Variants in AGBL1 observed in about 807,000 individuals in gnomAD.
The protein encoded by AGBL1 is AGBL carboxypeptidase 1.
Under a neutral mutation model 118.9 loss-of-function variants are expected in AGBL1, and 130 were observed. The ratio of observed to expected loss-of-function variants is 1.09; its 90% CI spans 0.95 to 1.26. The LOEUF (loss-of-function observed/expected upper bound fraction) is 1.26. AGBL1 is among the 50% of genes most tolerant of loss of function. AGBL1 has a pLI of 0.00. For synonymous variants in AGBL1, 555 were observed against 478.9 expected, an observed-to-expected ratio of 1.16 and a Z score of -2.08; for missense variants, 1,584 against 1,298.1, an observed-to-expected ratio of 1.22 and a Z score of -3.38.
At chr15:86,129,861 G>A (rs113031845) in intron 1 of AGBL1, among the ~76,000 whole-genome samples, 115 of 152,298 alleles carry the variant, frequency 7.6e-4, no homozygotes, top group African/African-American at 2.4e-3. Flanking sequence ...GAGAGAGAGC[G>A]TGTGGGGTGG....
intron 22 of AGBL1, among the ~76,000 whole-genome samples, chr15:86,849,358 A>T (rs1054313425): frequency 6.6e-6 from 1 of 152,222 alleles, no homozygotes; most frequent in Admixed American, 6.5e-5. Context: ...CACATTCGGC[A>T]TAGTAAGTAG....
intron 19 of AGBL1, among the ~76,000 whole-genome samples, chr15:86,540,414 C>A (rs958326204): frequency 6.6e-6 from 1 of 152,014 alleles, no homozygotes; most frequent in Admixed American, 6.6e-5. Flanking sequence ...AGCAACATGG[C>A]AAAATGCTGT....
At chr15:86,105,934 TA>T (rs940356046) in intron 1 of AGBL1, among the ~76,000 whole-genome samples, 66 of 152,370 alleles carry the variant, frequency 4.3e-4, no homozygotes, top group African/African-American at 1.6e-3. Context: ...ATTACACTAG[TA>T]TTTCTAGAGT....
At chr15:86,586,494 G>T (rs2084249983) in intron 21 of AGBL1, among the ~76,000 whole-genome samples, 1 of 152,086 alleles carries the variant, frequency 6.6e-6, no homozygotes, top group South Asian at 2.1e-4. Context: ...ACATGTCCAA[G>T]GTCACACAGA....
At chr15:86,920,043 C>G (rs1275841325), downstream of AGBL1, among the ~76,000 whole-genome samples, 1 of 152,214 alleles carries the variant, frequency 6.6e-6, no homozygotes, top group East Asian at 1.9e-4. Flanking sequence ...TATCTATTTA[C>G]TGTCTTAGGG....
intron 24 of AGBL1, among the ~76,000 whole-genome samples, chr15:87,001,684 AGAT>A (rs1159983940): frequency 6.6e-6 from 1 of 152,004 alleles, no homozygotes; most frequent in East Asian, 1.9e-4. Context: ...AACTGGTGGG[AGAT>A]GATATCTCAT....
chr15:86,289,440 G>T (rs183206455), intron 16 of AGBL1, among the ~76,000 whole-genome samples: 2 of 152,086 alleles, frequency 1.3e-5, no homozygotes, highest in African/African-American at 4.8e-5. Context: ...AACATTTATT[G>T]TTTCCTACAT....
intron 18 of AGBL1, among the ~76,000 whole-genome samples, chr15:86,505,548 A>G (rs1389062901): frequency 6.6e-6 from 1 of 151,886 alleles, no homozygotes; most frequent in Non-Finnish European, 1.5e-5. Context: ...TCTGTTGAGG[A>G]TCTGTAGTGA....
intron 1 of AGBL1, among the ~76,000 whole-genome samples, chr15:86,110,539 G>C (rs1325749635): frequency 6.6e-6 from 1 of 152,120 alleles, no homozygotes; most frequent in Admixed American, 6.5e-5. Context: ...GGTTGGTCTT[G>C]CTGTCTCAGG....
At position 86,954,179 on chromosome 15, in the gene AGBL1, A is replaced by ACTT. The variant is rs1214064284; in HGVS notation, c.3222-33807_3222-33805dup. On this transcript the variant is annotated intron_variant, in intron 23 of 24. Transcript: ENST00000441037. ...GGTGAGGCTGCAGAGAAAAGGGAAC[A>ACTT]CTTATAAACTGTTGGTAAGGATGGA... is the stretch of plus-strand genomic sequence containing the variant. 3.3e-5 allele frequency among the ~76,000 whole-genome samples: 5 copies of ACTT among 152,228 alleles called. No homozygotes were observed. In the East Asian group the frequency reaches 9.6e-4, roughly 29 times the overall value.
chr15:87,027,164 C>G (rs1481112836), intron 24 of AGBL1, among the ~76,000 whole-genome samples: 1 of 151,762 alleles, frequency 6.6e-6, no homozygotes, highest in East Asian at 1.9e-4. Context: ...ATACATGTGG[C>G]TAACATATGA....
At chr15:86,339,734 C>G (rs1372479217) in intron 17 of AGBL1, among the ~76,000 whole-genome samples, 1 of 151,986 alleles carries the variant, frequency 6.6e-6, no homozygotes, top group African/African-American at 2.4e-5. Context: ...TTTGGGAGGC[C>G]GAGGTGGGCG....
chr15:86,582,293 T>C (rs2084181889), intron 21 of AGBL1, among the ~76,000 whole-genome samples: 1 of 152,162 alleles, frequency 6.6e-6, no homozygotes, highest in African/African-American at 2.4e-5. Flanking sequence ...CCCTACAACA[T>C]TAATGGTATT....
At chr15:86,329,413 G>C (rs561264202) in intron 17 of AGBL1, among the ~76,000 whole-genome samples, 1 of 152,016 alleles carries the variant, frequency 6.6e-6, no homozygotes, top group African/African-American at 2.4e-5. Context: ...CCCTTCCTGT[G>C]CATAGATTGT....
Position 86,801,674 on chromosome 15 carries a change from A to G in AGBL1, c.3159-105413A>G, listed in dbSNP as rs560929516. Among the ~76,000 whole-genome samples, 78 of 152,266 alleles carry G rather than the reference A, an allele frequency of 5.1e-4. 2 individuals are homozygous for G. The South Asian group carries it at 0.016, about 31-fold the overall frequency. On this transcript the variant is annotated intron_variant, in intron 22 of 22. Coordinates refer to ENST00000614907, the MANE Select transcript of AGBL1 (RefSeq NM_001386094.1). Reference sequence around the variant, plus strand: ...CTTCAACATAGAGATAACTATATCTAGATTCTTTTTAACTTTAACATGGAG... The same window carrying G: ...CTTCAACATAGAGATAACTATATCTGGATTCTTTTTAACTTTAACATGGAG...
chr15:86,756,800 A>G (rs2077947788), intron 22 of AGBL1, among the ~76,000 whole-genome samples: 1 of 152,106 alleles, frequency 6.6e-6, no homozygotes, highest in Non-Finnish European at 1.5e-5. Flanking sequence ...CTTGTCTTAT[A>G]AATAATGGTA....
chr15:86,183,840 C>T (rs2077586139), intron 5 of AGBL1, among the ~76,000 whole-genome samples: 1 of 152,138 alleles, frequency 6.6e-6, no homozygotes, highest in African/African-American at 2.4e-5. Context: ...AATTAAACTA[C>T]AGAACTAAAA....
intron 21 of AGBL1, among the ~76,000 whole-genome samples, chr15:86,667,234 GTATGTATGTATGTATGTATGTATC>G (rs2085661834): frequency 7.2e-5 from 7 of 97,546 alleles, no homozygotes; most frequent in East Asian, 7.0e-4. Flanking sequence ...ATGTATGTAT[GTATGTATGTATGTATGTATGTATC>G]TATCTATCTA....
chr15:86,241,523 T>C (rs1445466366), intron 6 of AGBL1, among the ~76,000 whole-genome samples: 2 of 152,216 alleles, frequency 1.3e-5, no homozygotes, highest in Non-Finnish European at 2.9e-5. Flanking sequence ...AGAATTTTTT[T>C]TTCTCACAGT....
Sources: allele counts gnomAD v4.1 joint callset (sites outside exome capture counted in the v4.1 genomes callset), GRCh38; gene constraint gnomAD v4.1.1; transcripts MANE v1.5; gene names NCBI Gene and HGNC (gene_info 2026-07-23, HGNC 2026-07-21).